Variants in ACAP2 observed in about 807,000 individuals in gnomAD.
ACAP2 encodes ArfGAP with coiled-coil, ankyrin repeat and PH domains 2.
In ACAP2, 39 loss-of-function variants were observed where a neutral mutation model predicts 115.8. The observed-to-expected ratio is 0.34, with a 90% CI of 0.26 to 0.44. ACAP2 has a LOEUF of 0.44. Ranked by LOEUF, ACAP2 falls within the 20% of genes least tolerant of loss-of-function variation. ACAP2 has a pLI of 1.00. For synonymous variants in ACAP2, 289 were observed against 315.8 expected (o/e 0.92, Z 0.90); for missense variants, 662 against 927.6 (o/e 0.71, Z 3.72).
At chr3:195,319,243 A>G (rs1577293089) in intron 10 of ACAP2, among the ~76,000 whole-genome samples, 1 of 152,226 alleles carries the variant, frequency 6.6e-6, no homozygotes, top group African/African-American at 2.4e-5. Flanking sequence ...GCGGCAGGGG[A>G]GGAGCCCTCA....
chr3:195,331,388 A>G (rs114638565), intron 8 of ACAP2, among the ~76,000 whole-genome samples: 1,741 of 151,810 alleles, frequency 0.011, 32 homozygotes, highest in African/African-American at 0.039. Flanking sequence ...CTGGAGTACA[A>G]TGGCCCGATC....
In ACAP2 at chr3:195,320,779, T is replaced by A. The variant is rs1344473319; in HGVS notation, c.779A>T (p.Asn260Ile). The part of the protein sequence containing the change: ...FSSDDSKLEY[N>I]VDAANGIVME... ...AACTATGCCATTTGCAGCATCTACG[T>A]TATATTCTAACTTAGAATCATCACT... The change falls in exon 10 of 23, where the codon AAC becomes ATC. Residue 260 changes from asparagine to isoleucine, a missense_variant. Physicochemically the swap from Asn to Ile is moderately radical, Grantham distance 149 (BLOSUM62 -3). Transcript: ENST00000326793. 1 of 1,613,530 alleles carries A rather than the reference T, an allele frequency of 6.2e-7. No individual in the cohort carries two copies. Among genetic ancestry groups the A allele is most frequent in the East Asian group, 2.2e-5 (1 of 44,780 alleles).
At chr3:195,390,885 T>G (rs528719417) in intron 2 of ACAP2, among the ~76,000 whole-genome samples, 81 of 152,314 alleles carry the variant, frequency 5.3e-4, no homozygotes, top group African/African-American at 1.8e-3. Flanking sequence ...CAGAAGTATC[T>G]AAACAAATGG....
intron 10 of ACAP2, among the ~76,000 whole-genome samples, chr3:195,312,766 TAA>T (rs1728851732): frequency 6.6e-6 from 1 of 152,232 alleles, no homozygotes; most frequent in Non-Finnish European, 1.5e-5. Context: ...GATGTGCAAC[TAA>T]AAGGTATAAT....
rs552951362 is a variant in ACAP2, at chr3:195,422,544, G to A, written c.53+20251C>T. 5.3e-5 allele frequency among the ~76,000 whole-genome samples: 8 copies of A among 152,066 alleles called. No homozygotes were observed. The South Asian group carries it at 1.0e-3, about 20-fold the overall frequency. On this transcript the variant is annotated intron_variant, in intron 1 of 22. Coordinates refer to ENST00000326793, the MANE Select transcript of ACAP2 (RefSeq NM_012287.6). ...TTGCCCAGGCTGGAGTGCAGTGTGC[G>A]TCGATCATAGCTCACTGCAGCCTCA...
Position 195,337,908 on chromosome 3 carries a change from C to CGGGGCCACTCCCACCTCAACCTGAGCCT in ACAP2, c.529-933_529-932insAGGCTCAGGTTGAGGTGGGAGTGGCCCC, listed in dbSNP as rs1560259377. Among the ~76,000 whole-genome samples, 373 of 151,146 alleles carry CGGGGCCACTCCCACCTCAACCTGAGCCT rather than the reference C, an allele frequency of 2.5e-3. 5 individuals are homozygous for CGGGGCCACTCCCACCTCAACCTGAGCCT. The highest frequency in any genetic ancestry group is 0.01 in the Middle Eastern group (3 of 294). On this transcript the variant is annotated intron_variant, in intron 6 of 22. Transcript: ENST00000326793. The stretch of plus-strand genomic sequence containing the variant: ...CACTTTCTGTACTCCGACCTGAGCC[C>CGGGGCCACTCCCACCTCAACCTGAGCCT]GGGGCCACTCCCACCTCAACCTGAG...
chr3:195,404,768 AATATAATT>A (rs1331344582), intron 1 of ACAP2, among the ~76,000 whole-genome samples: 79 of 147,924 alleles, frequency 5.3e-4, no homozygotes, highest in African/African-American at 1.9e-3. Flanking sequence ...ATATAATATA[AATATAATT>A]ATATAATTAT....
chr3:195,375,831 A>G (rs1733492671), intron 4 of ACAP2, among the ~76,000 whole-genome samples: 1 of 152,144 alleles, frequency 6.6e-6, no homozygotes, highest in Admixed American at 6.6e-5. Context: ...AGACAACAAA[A>G]AGAGTCATAC....
At chr3:195,311,092 G>GTTTTTTTTTT in intron 10 of ACAP2, among the ~76,000 whole-genome samples, 4 of 108,894 alleles carry the variant, frequency 3.7e-5, no homozygotes, top group African/African-American at 6.9e-5. Flanking sequence ...TGGTTTTTTT[G>GTTTTTTTTTT]TTTTTTTTTT....
intron 4 of ACAP2, among the ~76,000 whole-genome samples, chr3:195,354,131 T>C (rs144957940): frequency 2.0e-5 from 3 of 152,360 alleles, no homozygotes; most frequent in Non-Finnish European, 2.9e-5. Flanking sequence ...CTAAGGATAA[T>C]GGCCTCCAGC....
chr3:195,441,985 A>T (rs568146136), intron 1 of ACAP2: 1 of 152,506 alleles, frequency 6.6e-6, no homozygotes, highest in South Asian at 2.1e-4. Context: ...CCTCCTGGGC[A>T]GAGGCTGCTG....
intron 9 of ACAP2, among the ~76,000 whole-genome samples, 168 bp from the exon 10 acceptor site, chr3:195,320,981 A>T (rs75115593): frequency 6.6e-6 from 1 of 152,196 alleles, no homozygotes; most frequent in Non-Finnish European, 1.5e-5. Context: ...ATAATAAAGA[A>T]ATGTTTCAAT....
chr3:195,429,660 T>A (rs1284981303), intron 1 of ACAP2, among the ~76,000 whole-genome samples: 1 of 152,092 alleles, frequency 6.6e-6, no homozygotes, highest in Non-Finnish European at 1.5e-5. Context: ...ATTGTGCATT[T>A]CAATGTATGC....
chr3:195,292,124 T>C (rs1203282130), intron 19 of ACAP2, 141 bp downstream of exon 19: 1 of 1,052,654 alleles, frequency 9.5e-7, no homozygotes, highest in Non-Finnish European at 1.3e-6. Context: ...CAGAAACCAC[T>C]ACTATTAATA....
chr3:195,306,853 A>T (rs1167168203), intron 12 of ACAP2: 3 of 93,884 alleles, frequency 3.2e-5, no homozygotes, highest in Non-Finnish European at 4.8e-5. Flanking sequence ...CTGAATATTT[A>T]AAAAAAAAAA....
chr3:195,376,206 C>G (rs1234293761), intron 4 of ACAP2, among the ~76,000 whole-genome samples: 1 of 152,056 alleles, frequency 6.6e-6, no homozygotes, highest in African/African-American at 2.4e-5. Context: ...CCAGCCTGGC[C>G]AACATGGTGA....
chr3:195,319,252 C>G (rs1729290929), intron 10 of ACAP2, among the ~76,000 whole-genome samples: 1 of 152,216 alleles, frequency 6.6e-6, no homozygotes, highest in South Asian at 2.1e-4. Flanking sequence ...GAGGAGCCCT[C>G]ATGGAGAACC....
At chr3:195,393,105 G>A (rs187550300) in intron 1 of ACAP2, among the ~76,000 whole-genome samples, 112 of 152,322 alleles carry the variant, frequency 7.4e-4, no homozygotes, top group Non-Finnish European at 1.4e-3. Flanking sequence ...GGGAGGCTGA[G>A]GGGAAGGACT....
rs547614890 is a variant in ACAP2, at chr3:195,310,891, C to A, written c.858-2054G>T. Reference sequence around the variant, plus strand: ...TCTCTTAAGGAAAAACGTCATATATCCTAGGTAGAAAACATTTTTTCAATT... The same window carrying A: ...TCTCTTAAGGAAAAACGTCATATATACTAGGTAGAAAACATTTTTTCAATT... On this transcript the variant is annotated intron_variant, in intron 10 of 22. Coordinates refer to ENST00000326793, the MANE Select transcript of ACAP2 (RefSeq NM_012287.6). Among the ~76,000 whole-genome samples the A allele has an allele frequency of 2.4e-4, 37 of 151,938 alleles. 1 individual carries two copies. In the East Asian group the frequency reaches 3.9e-3, roughly 16 times the overall value.
Sources: allele counts gnomAD v4.1 joint callset (sites outside exome capture counted in the v4.1 genomes callset), GRCh38; gene constraint gnomAD v4.1.1; transcripts MANE v1.5; gene names NCBI Gene and HGNC (gene_info 2026-07-23, HGNC 2026-07-21).